The following DNAAF6 variants were observed in gnomAD, a reference collection of about 807,000 sequenced individuals.
DNAAF6 encodes dynein axonemal assembly factor 6.
Under a neutral mutation model 13.7 loss-of-function variants are expected in DNAAF6, and 3 were observed. The ratio of observed to expected loss-of-function variants is 0.22; its 90% CI spans 0.10 to 0.56. The LOEUF is 0.56. DNAAF6 is among the 20% of genes least tolerant of loss of function. DNAAF6 has a pLI of 0.92. For synonymous variants in DNAAF6, 54 were observed against 49.2 expected, an observed-to-expected ratio of 1.10 and a Z score of -0.41; for missense variants, 130 against 151.0, an observed-to-expected ratio of 0.86 and a Z score of 0.73.
intron 4 of DNAAF6, among the ~76,000 whole-genome samples, chrX:107,219,955 C>T (rs1244622736): frequency 1.8e-5 from 2 of 110,844 alleles, no homozygotes; most frequent in African/African-American, 3.3e-5. Flanking sequence ...CCTGCCACCA[C>T]GCCCAGCTAA....
chrX:107,239,576 C>G (rs996361755), intron 6 of DNAAF6, among the ~76,000 whole-genome samples: 1 of 111,241 alleles, frequency 9.0e-6, no homozygotes, highest in African/African-American at 3.3e-5. Context: ...GGGAGGCAGG[C>G]AGTTGCTGGC....
intron 5 of DNAAF6, among the ~76,000 whole-genome samples, chrX:107,231,993 G>T: frequency 9.0e-6 from 1 of 111,152 alleles, no homozygotes; most frequent in East Asian, 2.8e-4. Context: ...GAATAGCTGG[G>T]ATTACAGGTG....
chrX:107,237,984 C>CA (rs754613010), intron 5 of DNAAF6, among the ~76,000 whole-genome samples: 27 of 111,458 alleles, frequency 2.4e-4, no homozygotes, highest in Middle Eastern at 9.2e-3. Context: ...GCGTCTCCCA[C>CA]AAAAAAACAA....
chrX:107,217,685 A>T (rs951740898), intron 3 of DNAAF6, among the ~76,000 whole-genome samples: 45 of 112,459 alleles, frequency 4.0e-4, no homozygotes, highest in African/African-American at 1.2e-3. Flanking sequence ...GTTGGTCATG[A>T]TCACCATTAA....
intron 1 of DNAAF6, among the ~76,000 whole-genome samples, chrX:107,208,724 G>A (rs1382423339): frequency 9.1e-6 from 1 of 109,789 alleles, no homozygotes; most frequent in African/African-American, 3.3e-5. Context: ...TTGTAGTAGA[G>A]ACGGGGTTTC....
chrX:107,240,423 G>A (rs1222001222), intron 6 of DNAAF6, among the ~76,000 whole-genome samples: 2 of 111,757 alleles, frequency 1.8e-5, no homozygotes, highest in Non-Finnish European at 3.8e-5. Flanking sequence ...TATCGGGAAT[G>A]TGTCTTGTTT....
At chrX:107,229,160 C>CA (rs1378068652) in intron 5 of DNAAF6, among the ~76,000 whole-genome samples, 1 of 39,620 alleles carries the variant, frequency 2.5e-5, no homozygotes, top group African/African-American at 2.3e-4. Flanking sequence ...TTTTTTGAGA[C>CA]AGAGTCCCGC....
Position 107,243,161 on chromosome X carries a change from T to A in DNAAF6, c.516-8T>A, listed in dbSNP as rs371154353. On this transcript the variant is annotated splice_region_variant and splice_polypyrimidine_tract_variant and intron_variant, in intron 6 of 6. Coordinates refer to ENST00000372453, the MANE Select transcript of DNAAF6 (RefSeq NM_173494.2). ...AAGCTAAGGTTTTATTTTGTTGTTT[T>A]TTTTTAGGAAGCTGTTGATAACTCT... 3 of 1,195,540 alleles carry A rather than the reference T, an allele frequency of 2.5e-6. No individual in the cohort carries two copies. The highest frequency in any genetic ancestry group is 1.9e-5 in the South Asian group (1 of 53,714).
chrX:107,242,908 AT>A (rs888946753), intron 6 of DNAAF6, among the ~76,000 whole-genome samples: 3 of 111,867 alleles, frequency 2.7e-5, no homozygotes, highest in African/African-American at 9.7e-5. Context: ...GCCTGTAAAC[AT>A]AGCCTGAGAC....
rs749662016 is a variant in DNAAF6 at position 107,238,932 on chromosome X, A to T, written c.440A>T (p.Lys147Ile). The change falls in exon 6 of 7, where the codon AAA becomes ATA. Residue 147 changes from lysine to isoleucine, a missense_variant. Transcript: ENST00000372453. ...GCCSELVAKI[K>I]LPNTNPSDIQ... ...CATTTTCTCTTTCAGGCTAAAATTA[A>T]ATTGCCAAATACAAACCCTTCTGAT... is the stretch of plus-strand genomic sequence containing the variant. 3.3e-6 allele frequency: 4 copies of T among 1,207,600 alleles called. No homozygotes were observed. In the East Asian group the frequency reaches 1.2e-4, roughly 36 times the overall value.
chrX:107,225,366 ACAT>A (rs1928232196), intron 5 of DNAAF6, among the ~76,000 whole-genome samples: 1 of 111,254 alleles, frequency 9.0e-6, no homozygotes. Flanking sequence ...TGAATCTAAG[ACAT>A]CATAAAATTG....
intron 5 of DNAAF6, among the ~76,000 whole-genome samples, chrX:107,225,536 T>C (rs1050760296): frequency 3.6e-5 from 4 of 111,299 alleles, no homozygotes; most frequent in African/African-American, 9.8e-5. Flanking sequence ...GTTATTTGTG[T>C]CCTGGACCTG....
At chrX:107,221,163 C>G (rs909742054) in intron 4 of DNAAF6, among the ~76,000 whole-genome samples, 46 of 110,199 alleles carry the variant, frequency 4.2e-4, no homozygotes, top group African/African-American at 1.4e-3. Context: ...TTTGTAGAGA[C>G]GAGGTTTCAC....
intron 1 of DNAAF6, among the ~76,000 whole-genome samples, chrX:107,208,540 A>ATTT (rs528467758): frequency 2.0e-5 from 2 of 100,300 alleles, no homozygotes; most frequent in African/African-American, 3.6e-5. Context: ...AAAAGACGCA[A>ATTT]TTTTTTTTTT....
chrX:107,239,475 C>T (rs1482652588), intron 6 of DNAAF6, among the ~76,000 whole-genome samples: 1 of 111,786 alleles, frequency 8.9e-6, no homozygotes, highest in African/African-American at 3.3e-5. Flanking sequence ...CTGCTTTGTG[C>T]ACATCTTATC....
At chrX:107,209,448 G>C (rs1451785687) in intron 1 of DNAAF6, among the ~76,000 whole-genome samples, 1 of 110,670 alleles carries the variant, frequency 9.0e-6, no homozygotes, top group Non-Finnish European at 1.9e-5. Flanking sequence ...TTTTTGGGGG[G>C]CAGGGAATTG....
intron 1 of DNAAF6, among the ~76,000 whole-genome samples, chrX:107,208,467 A>G (rs1279546354): frequency 9.0e-6 from 1 of 111,383 alleles, no homozygotes; most frequent in East Asian, 2.8e-4. Flanking sequence ...CCATTTTCAA[A>G]AAGGATTGGG....
chrX:107,209,856 AC>A (rs1288408698), intron 1 of DNAAF6, among the ~76,000 whole-genome samples: 1 of 112,408 alleles, frequency 8.9e-6, no homozygotes, highest in Non-Finnish European at 1.9e-5. Context: ...AGACTTTTCT[AC>A]AATTAACTGA....
intron 6 of DNAAF6, among the ~76,000 whole-genome samples, chrX:107,239,893 CTT>C (rs1311315530): frequency 5.4e-5 from 6 of 111,683 alleles, no homozygotes; most frequent in Non-Finnish European, 1.1e-4. Flanking sequence ...GTATTGTACC[CTT>C]TTGTTGCATT....
Sources: allele counts gnomAD v4.1 joint callset (sites outside exome capture counted in the v4.1 genomes callset), GRCh38; gene constraint gnomAD v4.1.1; transcripts MANE v1.5; gene names NCBI Gene and HGNC (gene_info 2026-07-23, HGNC 2026-07-21).